The following FBXL13 variants were observed in gnomAD, a reference collection of about 807,000 sequenced individuals.
The protein encoded by FBXL13 is F-box and leucine-rich repeat protein 13.
FBXL13 carries 67 observed loss-of-function variants against 83.6 expected under a neutral mutation model. The ratio of observed to expected loss-of-function variants is 0.80; its 90% CI spans 0.66 to 0.98. The LOEUF is 0.98. FBXL13 is among the 50% of genes least tolerant of loss of function. The pLI is 0.00. For missense variants in FBXL13, 822 were observed against 866.5 expected (o/e 0.95, Z 0.64); for synonymous variants, 272 against 299.5 (o/e 0.91, Z 0.95).
chr7:102,834,853 A>C (rs1259660094), intron 17 of FBXL13: 1 of 150,908 alleles, frequency 6.6e-6, no homozygotes, highest in Admixed American at 6.6e-5. Context: ...ATGAATGTTA[A>C]TTAGCTTGAT....
chr7:102,860,486 T>G (rs1806649444), intron 16 of FBXL13, among the ~76,000 whole-genome samples: 1 of 152,112 alleles, frequency 6.6e-6, no homozygotes. Flanking sequence ...TGTTGGGAAG[T>G]AGTTCAGTTT....
chr7:102,891,652 G>A (rs10259205), intron 11 of FBXL13, among the ~76,000 whole-genome samples: 3,657 of 152,166 alleles, frequency 0.024, 158 homozygotes, highest in African/African-American at 0.083. Context: ...AAAAACACTG[G>A]ACAACCAAAC....
intron 1 of FBXL13, among the ~76,000 whole-genome samples, chr7:103,061,490 T>C (rs80025428): frequency 0.011 from 1,671 of 152,322 alleles, 35 homozygotes; most frequent in African/African-American, 0.039. Context: ...AACTGTCCTC[T>C]GGAGAAGCCA....
intron 17 of FBXL13, among the ~76,000 whole-genome samples, 181 bp from the exon 19 acceptor site, chr7:102,833,155 TTCACA>T (rs1801024277): frequency 1.3e-5 from 2 of 152,216 alleles, no homozygotes; most frequent in Non-Finnish European, 2.9e-5. Flanking sequence ...GCAAAAGATA[TTCACA>T]AAGCAGCTTA....
intron 2 of FBXL13, among the ~76,000 whole-genome samples, chr7:103,041,800 C>T (rs1383766771): frequency 2.0e-5 from 3 of 152,024 alleles, no homozygotes; most frequent in Admixed American, 2.0e-4. Context: ...TCTCAATAAA[C>T]TAGGTATTGA....
intron 1 of FBXL13, among the ~76,000 whole-genome samples, chr7:103,061,803 T>C (rs1026867146): frequency 4.6e-5 from 7 of 151,836 alleles, no homozygotes; most frequent in Admixed American, 1.3e-4. Context: ...CCAAGCATGG[T>C]GGCAGGCGCC....
chr7:103,029,528 G>A lies in FBXL13; in HGVS notation c.1-110C>T, dbSNP rs887927525. On this transcript the variant is annotated intron_variant, in intron 2 of 19. Coordinates refer to ENST00000313221, the Ensembl canonical transcript of FBXL13. Reference sequence around the variant, plus strand: ...AGAGCAATGGATGCCAAGAGGGAAGGGAATTGGGCAGTTGGAGACAGGAAT... The same window carrying A: ...AGAGCAATGGATGCCAAGAGGGAAGAGAATTGGGCAGTTGGAGACAGGAAT... 1.3e-5 allele frequency: 7 copies of A among 530,958 alleles called. No homozygotes were observed. In the South Asian group the frequency reaches 2.6e-4, roughly 19 times the overall value. The allele number at this position is 530,958 out of a possible 1,614,324, so 32.9% of individuals were successfully genotyped here.
At chr7:103,050,171 T>G (rs1447745682) in intron 2 of FBXL13, 1 of 152,196 alleles carries the variant, frequency 6.6e-6, no homozygotes, top group African/African-American at 2.4e-5. Context: ...GCCTCAGAAT[T>G]TTTTTTGTAT....
intron 11 of FBXL13, among the ~76,000 whole-genome samples, chr7:102,889,633 T>C (rs950392096): frequency 8.6e-5 from 13 of 151,912 alleles, no homozygotes; most frequent in Non-Finnish European, 1.3e-4. Context: ...CATTGTTCAA[T>C]TCCCACCTAT....
intron 11 of FBXL13, among the ~76,000 whole-genome samples, chr7:102,890,846 C>T (rs1248218177): frequency 6.6e-6 from 1 of 152,194 alleles, no homozygotes; most frequent in Non-Finnish European, 1.5e-5. Context: ...CTGAGATAGA[C>T]ATGGCCCATG....
intron 18 of FBXL13, among the ~76,000 whole-genome samples, chr7:102,829,136 AC>A (rs1217203384): frequency 4.6e-5 from 7 of 152,080 alleles, no homozygotes; most frequent in Non-Finnish European, 1.0e-4. Flanking sequence ...CCTTCCAGAT[AC>A]CCTCAGCTGC....
intron 16 of FBXL13, among the ~76,000 whole-genome samples, chr7:102,876,165 A>G (rs1415257818): frequency 1.6e-4 from 25 of 152,202 alleles, no homozygotes. Context: ...ATGACCCAGG[A>G]AGACCCAGAG....
intron 8 of FBXL13, chr7:102,944,421 G>A (rs751791821): frequency 2.5e-5 from 40 of 1,613,788 alleles, no homozygotes; most frequent in South Asian, 8.8e-5. Flanking sequence ...AATGCAAAAC[G>A]CCTGAAGAAT....
At chr7:102,883,317 G>T in exon 14 of FBXL13, 1 of 1,610,874 alleles carries the variant, frequency 6.2e-7, no homozygotes, top group Non-Finnish European at 8.5e-7. Flanking sequence ...TACACAATTT[G>T]CCAAATTCAA....
intron 8 of FBXL13, among the ~76,000 whole-genome samples, chr7:102,957,482 C>A (rs1824471145): frequency 6.6e-6 from 1 of 152,094 alleles, no homozygotes; most frequent in African/African-American, 2.4e-5. Flanking sequence ...TTGGCAAGGA[C>A]TTCATGACTA....
intron 7 of FBXL13, 22 bp downstream of exon 8, chr7:102,968,000 A>T (rs1469884310): frequency 6.4e-7 from 1 of 1,569,258 alleles, no homozygotes; most frequent in Non-Finnish European, 8.8e-7. Flanking sequence ...GTAAAGACAT[A>T]GTTCAGTTAG....
At chr7:102,887,414 TAC>T (rs67686614) in intron 11 of FBXL13, among the ~76,000 whole-genome samples, 19,718 of 148,106 alleles carry the variant, frequency 0.13, 1,414 homozygotes, top group East Asian at 0.29. Flanking sequence ...TATACATACA[TAC>T]ACACACACAC....
At chr7:102,939,505 T>C (rs774593723) in intron 8 of FBXL13, 1 of 1,614,030 alleles carries the variant, frequency 6.2e-7, no homozygotes, top group South Asian at 1.1e-5. Context: ...ATCAACCAAC[T>C]TCGACCCAAG....
At chr7:102,840,159 G>A (rs1436943361) in intron 17 of FBXL13, among the ~76,000 whole-genome samples, 1 of 152,080 alleles carries the variant, frequency 6.6e-6, no homozygotes, top group East Asian at 1.9e-4. Context: ...ATGTATATTG[G>A]GAAAACCAAA....
Sources: gnomAD v4.1 joint callset for allele counts (sites outside exome capture counted in the v4.1 genomes callset) on GRCh38, gnomAD v4.1.1 for gene constraint, MANE v1.5 for transcripts, NCBI Gene and HGNC (gene_info 2026-07-23, HGNC 2026-07-21) for gene names.